The following TPX2 variants were observed in gnomAD, a reference collection of about 807,000 sequenced individuals.
TPX2 encodes the protein TPX2 microtubule nucleation factor.
Under a neutral mutation model 93.6 loss-of-function variants are expected in TPX2, and 21 were observed. The observed-to-expected ratio is 0.22, with a 90% CI of 0.16 to 0.32. The LOEUF is 0.32. TPX2 is among the 10% of genes least tolerant of loss of function. The pLI is 1.00. For synonymous variants in TPX2, 281 were observed against 298.3 expected (o/e 0.94, Z 0.60); for missense variants, 776 against 871.1 (o/e 0.89, Z 1.37).
chr20:31,780,886 C>A (rs1321423273), intron 10 of TPX2: 2 of 368,940 alleles, frequency 5.4e-6, no homozygotes, highest in Non-Finnish European at 1.0e-5. Context: ...TTCACTTGGT[C>A]TTCTTTTGTT....
At chr20:31,766,782 C>A in intron 5 of TPX2, 100 bp downstream of exon 5, 602 of 833,420 alleles carry the variant, frequency 7.2e-4, no homozygotes, top group Non-Finnish European at 9.5e-4. Flanking sequence ...TGTTTATGGA[C>A]ACCTTTATGT....
chr20:31,741,639 C>T (rs537524264), intron 1 of TPX2, among the ~76,000 whole-genome samples: 12 of 152,196 alleles, frequency 7.9e-5, no homozygotes, highest in African/African-American at 2.6e-4. Flanking sequence ...CCACCACACC[C>T]GGCTAGTTTT....
At position 31,801,279 on chromosome 20, in the gene TPX2, T is replaced by C. The variant is rs1180850653; in HGVS notation, c.*199T>C. On this transcript the variant is annotated 3_prime_UTR_variant, in exon 18 of 18. Transcript: ENST00000300403. ...TGTTTTCTTACATTACTAAGGCTAA[T>C]AATGAGATGTAACTCATGAATGTCT... The C allele has an allele frequency of 5.5e-6, 3 of 541,182 alleles. No homozygotes were observed. The highest frequency in any genetic ancestry group is 1.0e-5 in the Non-Finnish European group (3 of 301,140). 33.5% of individuals were successfully genotyped at this position (541,182 alleles called of 1,614,324 possible).
At chr20:31,765,948 C>A (rs1600370275) in intron 4 of TPX2, among the ~76,000 whole-genome samples, 1 of 152,064 alleles carries the variant, frequency 6.6e-6, no homozygotes. Context: ...GCCTTGTTTC[C>A]TGGACCTTAT....
chr20:31,796,754 A>ATAGT (rs1453149165), intron 15 of TPX2, among the ~76,000 whole-genome samples: 2 of 150,658 alleles, frequency 1.3e-5, no homozygotes, highest in Non-Finnish European at 3.0e-5. Context: ...GTGATACTGT[A>ATAGT]TAGTTCCTAA....
intron 12 of TPX2, among the ~76,000 whole-genome samples, chr20:31,790,007 C>T (rs1568605681): frequency 6.6e-6 from 1 of 152,230 alleles, no homozygotes; most frequent in African/African-American, 2.4e-5. Context: ...AGATTGGAAG[C>T]AGAGCTGGGC....
chr20:31,791,838 T>C (rs2062103641), intron 12 of TPX2, among the ~76,000 whole-genome samples: 1 of 152,180 alleles, frequency 6.6e-6, no homozygotes, highest in African/African-American at 2.4e-5. Flanking sequence ...TTGTTCTTAA[T>C]CGATCTGGCC....
chr20:31,785,222 T>C (rs1165256637), intron 12 of TPX2, among the ~76,000 whole-genome samples: 1 of 151,876 alleles, frequency 6.6e-6, no homozygotes, highest in Non-Finnish European at 1.5e-5. Context: ...GCATATGTAC[T>C]ATATGCCAAG....
chr20:31,763,587 G>T (rs1045620029), intron 4 of TPX2, among the ~76,000 whole-genome samples: 1 of 151,864 alleles, frequency 6.6e-6, no homozygotes, highest in African/African-American at 2.4e-5. Flanking sequence ...TTATGGATTT[G>T]TCTCTTTATC....
In TPX2 at chr20:31,778,755, T is replaced by C. The variant is rs1600382116; in HGVS notation, c.883-58T>C. The C allele has an allele frequency of 5.5e-6, 8 of 1,460,050 alleles. No individual in the cohort carries two copies. In the South Asian group the frequency reaches 1.0e-4, roughly 19 times the overall value. 90.4% of individuals were successfully genotyped at this position (1,460,050 alleles called of 1,614,324 possible). Reference sequence around the variant, plus strand: ...TCCTCTGTGCCGAATATGTGGCTTATGGTAGATGTGAGCTCTTCCGTGACA... The same window carrying C: ...TCCTCTGTGCCGAATATGTGGCTTACGGTAGATGTGAGCTCTTCCGTGACA... On this transcript the variant is annotated intron_variant, in intron 9 of 17. Coordinates refer to ENST00000300403, the MANE Select transcript of TPX2 (RefSeq NM_012112.5).
intron 11 of TPX2, among the ~76,000 whole-genome samples, chr20:31,782,653 C>A (rs533546914): frequency 2.0e-5 from 3 of 151,834 alleles, no homozygotes; most frequent in Admixed American, 2.0e-4. Context: ...CTTGGGAGGC[C>A]GAGGCAAGAG....
chr20:31,777,786 T>A (rs536313745), intron 9 of TPX2, 148 bp downstream of exon 9: 97 of 881,526 alleles, frequency 1.1e-4, no homozygotes, highest in Non-Finnish European at 1.4e-4. Flanking sequence ...AGATCTTTTT[T>A]TTTTTTTGAG....
chr20:31,749,055 C>T (rs1198976758), intron 2 of TPX2, among the ~76,000 whole-genome samples: 1 of 151,726 alleles, frequency 6.6e-6, no homozygotes, highest in Non-Finnish European at 1.5e-5. Flanking sequence ...ACGCCATTCT[C>T]CTGCCTCAGC....
rs556158898 is a variant in TPX2, at chr20:31,754,439, C to T, written c.-70-2968C>T. On this transcript the variant is annotated intron_variant, in intron 2 of 17. Coordinates refer to ENST00000300403, the MANE Select transcript of TPX2 (RefSeq NM_012112.5). ...GAGAAGCTGTGAAATGCTGGCCAAA[C>T]CACTGAACGGCTATGTAGGTTGGGA... Among the ~76,000 whole-genome samples the T allele has an allele frequency of 1.2e-4, 19 of 152,278 alleles. No homozygotes were observed. The South Asian group carries it at 3.9e-3, about 32-fold the overall frequency.
At chr20:31,754,189 G>A (rs1052355958) in intron 2 of TPX2, among the ~76,000 whole-genome samples, 1 of 152,022 alleles carries the variant, frequency 6.6e-6, no homozygotes, top group African/African-American at 2.4e-5. Flanking sequence ...AGCCTCCCGG[G>A]TTGAAGTGAT....
At chr20:31,740,956 G>A in intron 1 of TPX2, among the ~76,000 whole-genome samples, 1 of 152,166 alleles carries the variant, frequency 6.6e-6, no homozygotes, top group East Asian at 1.9e-4. Context: ...ATTCAACTAG[G>A]TTGGTAAATT....
chr20:31,766,315 C>CT (rs574995307), intron 4 of TPX2, among the ~76,000 whole-genome samples: 40 of 152,002 alleles, frequency 2.6e-4, no homozygotes, highest in African/African-American at 9.2e-4. Context: ...GTTTGGGATG[C>CT]TTTTTTTAAA....
At chr20:31,792,425 C>G (rs1387748681) in intron 12 of TPX2, among the ~76,000 whole-genome samples, 1 of 152,174 alleles carries the variant, frequency 6.6e-6, no homozygotes, top group Non-Finnish European at 1.5e-5. Flanking sequence ...AATTCACCCT[C>G]AAAGAGATAT....
chr20:31,781,124 A>T (rs564512154), intron 10 of TPX2: 1 of 174,808 alleles, frequency 5.7e-6, no homozygotes, highest in Admixed American at 6.3e-5. Flanking sequence ...GGGTCTCATT[A>T]TGTTGCCCAG....
Sources: gnomAD v4.1 joint callset for allele counts (sites outside exome capture counted in the v4.1 genomes callset) on GRCh38, gnomAD v4.1.1 for gene constraint, MANE v1.5 for transcripts, NCBI Gene and HGNC (gene_info 2026-07-23, HGNC 2026-07-21) for gene names.